The following ROBO1 variants were observed in gnomAD, a reference collection of about 807,000 sequenced individuals.
ROBO1 encodes roundabout homolog 1.
ROBO1 carries 149 observed loss-of-function variants against 195.9 expected under a neutral mutation model. That is an observed-to-expected ratio of 0.76 (90% confidence interval 0.67 to 0.87). The LOEUF (loss-of-function observed/expected upper bound fraction) is 0.87. Among genes scored for constraint, ROBO1 ranks in the 40% least tolerant of loss-of-function variants. ROBO1 has a pLI of 0.00. For missense variants in ROBO1, 1,933 were observed against 2,068.3 expected, an observed-to-expected ratio of 0.93 and a Z score of 1.27; for synonymous variants, 816 against 733.2, an observed-to-expected ratio of 1.11 and a Z score of -1.82.
At chr3:78,660,973 T>C (rs1262056151) in intron 16 of ROBO1, 57 bp downstream of exon 16, 1 of 1,179,562 alleles carries the variant, frequency 8.5e-7, no homozygotes, top group Non-Finnish European at 1.2e-6. Flanking sequence ...ATTAAGCTAA[T>C]AAAATTCTAA....
chr3:78,884,700 GAAGGAAAGAAA>G (rs2036429844), intron 4 of ROBO1, among the ~76,000 whole-genome samples: 3 of 142,590 alleles, frequency 2.1e-5, no homozygotes, highest in African/African-American at 8.1e-5. Context: ...AGGAAGGAAG[GAAGGAAAGAAA>G]GAAGGAAAGG....
In ROBO1 at chr3:78,600,297, G is replaced by A; in HGVS notation, c.4757C>T (p.Pro1586Leu). Residue 1586 changes from proline to leucine, a missense_variant, in exon 30 of 31, where the codon CCT (proline) becomes CTT (leucine). Pro to Leu is a moderately conservative substitution (Grantham distance 98). Around this residue, in one of 3 missense-constraint regions of ROBO1, gnomAD observed 1,737 missense variants for 1,882.5 expected, o/e 0.92. Coordinates refer to ENST00000464233, the MANE Select transcript of ROBO1 (RefSeq NM_002941.4). Reference sequence around the variant, plus strand: ...TGTTGGAAAAGTAGGTCTACAATAAGGTAGAATATCCTCTGTGTAATGAAA... The same window carrying A: ...TGTTGGAAAAGTAGGTCTACAATAAAGTAGAATATCCTCTGTGTAATGAAA... ...KTHLIQEDIL[P>L]YCRPTFPTSN... 6.2e-7 allele frequency: 1 copy of A among 1,602,996 alleles called. No homozygotes were observed. The highest frequency in any genetic ancestry group is 1.1e-5 in the South Asian group (1 of 90,828).
chr3:79,107,499 T>C (rs1015996850), intron 3 of ROBO1, among the ~76,000 whole-genome samples: 2 of 151,774 alleles, frequency 1.3e-5, no homozygotes, highest in Admixed American at 6.6e-5. Flanking sequence ...CTAGTTACTT[T>C]TACAATCTTG....
At chr3:78,720,911 A>G (rs1228725685) in intron 5 of ROBO1, among the ~76,000 whole-genome samples, 2 of 147,308 alleles carry the variant, frequency 1.4e-5, no homozygotes, top group African/African-American at 5.2e-5. Context: ...ACTTGGACAC[A>G]GGAAGCGGAA....
intron 4 of ROBO1, among the ~76,000 whole-genome samples, chr3:78,782,520 G>A (rs941385316): frequency 4.0e-5 from 6 of 151,850 alleles, no homozygotes; most frequent in East Asian, 3.9e-4. Flanking sequence ...TCTTAATGTC[G>A]CTTCCAAGCA....
At chr3:79,041,091 A>C (rs143501754) in intron 3 of ROBO1, among the ~76,000 whole-genome samples, 14 of 152,216 alleles carry the variant, frequency 9.2e-5, no homozygotes, top group African/African-American at 2.6e-4. Context: ...TTTTTCATGG[A>C]GTAGAAGACA....
chr3:78,727,207 A>G (rs2082181939), intron 5 of ROBO1, among the ~76,000 whole-genome samples: 1 of 152,108 alleles, frequency 6.6e-6, no homozygotes, highest in Non-Finnish European at 1.5e-5. Flanking sequence ...ATAAAAATAT[A>G]TAATCAAGTA....
At chr3:79,560,917 C>T (rs1559993817) in intron 2 of ROBO1, among the ~76,000 whole-genome samples, 1 of 152,084 alleles carries the variant, frequency 6.6e-6, no homozygotes, top group Non-Finnish European at 1.5e-5. Flanking sequence ...ACTGTCTTTG[C>T]TTTGTGCCCC....
intron 1 of ROBO1, among the ~76,000 whole-genome samples, chr3:79,628,577 G>A (rs997909975): frequency 9.2e-5 from 14 of 152,050 alleles, no homozygotes; most frequent in African/African-American, 2.7e-4. Context: ...AAACCTGTAC[G>A]TTCTGCACAT....
intron 3 of ROBO1, among the ~76,000 whole-genome samples, chr3:79,092,808 G>A (rs1160168691): frequency 6.6e-6 from 1 of 151,986 alleles, no homozygotes; most frequent in African/African-American, 2.4e-5. Flanking sequence ...GAAACCCAGA[G>A]TCAATCATTT....
intron 1 of ROBO1, among the ~76,000 whole-genome samples, chr3:79,651,028 T>C (rs960614386): frequency 6.6e-6 from 1 of 152,122 alleles, no homozygotes; most frequent in Non-Finnish European, 1.5e-5. Context: ...AGAATTTTAA[T>C]TCAATTATTA....
At chr3:78,827,280 C>A (rs140366508) in intron 4 of ROBO1, among the ~76,000 whole-genome samples, 142 of 152,172 alleles carry the variant, frequency 9.3e-4, no homozygotes, top group African/African-American at 3.1e-3. Flanking sequence ...AAGTTCTTGT[C>A]TTGTTATATG....
chr3:78,726,488 A>G (rs1245525162), intron 5 of ROBO1, among the ~76,000 whole-genome samples: 9 of 152,162 alleles, frequency 5.9e-5, no homozygotes, highest in Non-Finnish European at 8.8e-5. Context: ...TCAGAAAAAA[A>G]CTTGATTCTT....
intron 4 of ROBO1, among the ~76,000 whole-genome samples, chr3:78,771,149 A>G (rs567751225): frequency 1.3e-4 from 20 of 152,256 alleles, no homozygotes; most frequent in African/African-American, 4.1e-4. Context: ...TTGATTGAAT[A>G]GGGAGTTTAT....
At chr3:78,985,022 TTA>T (rs1473566131) in intron 3 of ROBO1, among the ~76,000 whole-genome samples, 1 of 152,082 alleles carries the variant, frequency 6.6e-6, no homozygotes, top group Non-Finnish European at 1.5e-5. Flanking sequence ...TAAATATATT[TTA>T]TCTTCCTCAT....
chr3:79,650,655 A>G (rs1446674256), intron 1 of ROBO1, among the ~76,000 whole-genome samples: 1 of 151,866 alleles, frequency 6.6e-6, no homozygotes, highest in Non-Finnish European at 1.5e-5. Context: ...ATTCTAATAC[A>G]TTTTAGGAAT....
chr3:78,652,998 T>C (rs1706773353), intron 18 of ROBO1, among the ~76,000 whole-genome samples: 1 of 152,190 alleles, frequency 6.6e-6, no homozygotes. Context: ...ATTTTGATGT[T>C]CTTCCCCCAC....
chr3:79,158,423 T>G (rs1282115667), intron 2 of ROBO1, among the ~76,000 whole-genome samples: 1 of 151,584 alleles, frequency 6.6e-6, no homozygotes, highest in Non-Finnish European at 1.5e-5. Flanking sequence ...AATTCTATTT[T>G]TATGTAGAAA....
chr3:78,705,701 C>T (rs987530989), intron 8 of ROBO1, among the ~76,000 whole-genome samples: 17 of 152,296 alleles, frequency 1.1e-4, no homozygotes, highest in Middle Eastern at 3.4e-3. Context: ...GTAAAGAAGA[C>T]ATGCCTTCAC....
Sources: allele counts gnomAD v4.1 joint callset (sites outside exome capture counted in the v4.1 genomes callset), GRCh38; gene constraint gnomAD v4.1.1; regional missense constraint gnomAD v4.1.1; transcripts MANE v1.5; gene names NCBI Gene and HGNC (gene_info 2026-07-23, HGNC 2026-07-21).